Variants in CRYBG1 observed in about 807,000 individuals in gnomAD.
The protein encoded by CRYBG1 is beta/gamma crystallin domain-containing protein 1.
Under a neutral mutation model 189.2 loss-of-function variants are expected in CRYBG1, and 139 were observed. The observed-to-expected ratio is 0.73, with a 90% CI of 0.64 to 0.85. The LOEUF (loss-of-function observed/expected upper bound fraction) is 0.85, where lower values mean the gene tolerates loss of function less well. Ranked by LOEUF, CRYBG1 falls within the 40% of genes least tolerant of loss-of-function variation. The pLI, the probability that CRYBG1 is intolerant of heterozygous loss-of-function variation, is 0.00. For synonymous variants in CRYBG1, 1,023 were observed against 1,017.1 expected, an observed-to-expected ratio of 1.01 and a Z score of -0.11; for missense variants, 2,611 against 2,675.8, an observed-to-expected ratio of 0.98 and a Z score of 0.53.
intron 1 of CRYBG1, among the ~76,000 whole-genome samples, chr6:106,390,587 TC>T (rs1770481221): frequency 8.4e-6 from 1 of 118,512 alleles, no homozygotes; most frequent in African/African-American, 2.7e-5. Flanking sequence ...TCTTGTGCAC[TC>T]CCCCTACGCC....
At chr6:106,379,178 C>A (rs1338949523) in intron 1 of CRYBG1, among the ~76,000 whole-genome samples, 1 of 152,030 alleles carries the variant, frequency 6.6e-6, no homozygotes, top group Non-Finnish European at 1.5e-5. Context: ...ACAAATAGAA[C>A]AAAATGATGT....
intron 1 of CRYBG1, among the ~76,000 whole-genome samples, chr6:106,387,716 G>A (rs759899457): frequency 2.6e-5 from 4 of 152,150 alleles, no homozygotes; most frequent in African/African-American, 9.7e-5. Flanking sequence ...GTGGGGAGGG[G>A]TGTCTCTAGC....
chr6:106,491,737 C>G (rs778530494), intron 2 of CRYBG1, among the ~76,000 whole-genome samples: 1 of 152,080 alleles, frequency 6.6e-6, no homozygotes, highest in Non-Finnish European at 1.5e-5. Flanking sequence ...CCACTTGGAC[C>G]CACCAGGGGC....
intron 2 of CRYBG1, among the ~76,000 whole-genome samples, chr6:106,489,787 CAA>C (rs10593320): frequency 0.16 from 13,230 of 80,790 alleles, 844 homozygotes; most frequent in African/African-American, 0.33. Context: ...ACTCTGTGTC[CAA>C]AAAAAAAAAA....
At chr6:106,489,448 C>T (rs1257424009) in intron 2 of CRYBG1, among the ~76,000 whole-genome samples, 1 of 152,042 alleles carries the variant, frequency 6.6e-6, no homozygotes, top group Non-Finnish European at 1.5e-5. Context: ...AAATCAATTA[C>T]TATTTTTAAT....
At chr6:106,516,273 G>T (rs560358847) in intron 3 of CRYBG1, among the ~76,000 whole-genome samples, 2 of 145,450 alleles carry the variant, frequency 1.4e-5, no homozygotes, top group Non-Finnish European at 3.0e-5. Context: ...TCACTCTGTC[G>T]CCCAGGCTGG....
At chr6:106,483,010 T>C (rs553583638) in intron 2 of CRYBG1, among the ~76,000 whole-genome samples, 1 of 152,272 alleles carries the variant, frequency 6.6e-6, no homozygotes, top group Non-Finnish European at 1.5e-5. Flanking sequence ...AAAGCCTCTC[T>C]TCTAGCTATT....
At position 106,386,053 on chromosome 6, in the gene CRYBG1, G is replaced by A. The variant is rs114388074; in HGVS notation, c.173+24972G>A. Among the ~76,000 whole-genome samples the A allele has an allele frequency of 8.8e-3, 1,336 of 152,264 alleles. 16 individuals carry two copies. The highest frequency in any genetic ancestry group is 0.028 in the African/African-American group (1,163 of 41,546). On this transcript the variant is annotated intron_variant, in intron 1 of 21. Transcript: ENST00000633556. ...TTAATGCAGGGTACTTGGTCTCCAC[G>A]TGGCGAAGCAGTTTTGAAGGTTTCA... is the stretch of plus-strand genomic sequence containing the variant.
intron 2 of CRYBG1, among the ~76,000 whole-genome samples, chr6:106,484,461 G>T (rs1035606439): frequency 7.9e-3 from 6 of 764 alleles, no homozygotes; most frequent in South Asian, 0.05. Context: ...GGAGCTATAG[G>T]CATGTGCCCA....
chr6:106,385,248 T>C (rs1437603244), intron 1 of CRYBG1, among the ~76,000 whole-genome samples: 2 of 152,162 alleles, frequency 1.3e-5, no homozygotes, highest in African/African-American at 4.8e-5. Context: ...TCTGCATCCA[T>C]CTCCTCTCAG....
Position 106,530,233 on chromosome 6 carries a change from A to T in CRYBG1, c.4636A>T (p.Ser1546Cys). 6.2e-7 allele frequency: 1 copy of T among 1,613,590 alleles called. No individual in the cohort carries two copies. Among genetic ancestry groups the T allele is most frequent in the Non-Finnish European group, 8.5e-7 (1 of 1,179,626 alleles). The stretch of plus-strand genomic sequence containing the variant: ...TGAACCAGAAGGGTTAGGAATCCTA[A>T]GTTCCTACTTTGATGATACTGAAGA... ...FTEPEGLGILSSYFDDTEEMQ... is the reference protein window; with the variant it reads ...FTEPEGLGILCSYFDDTEEMQ... The change falls in exon 8 of 22, where the codon AGT becomes TGT. Residue 1546 changes from serine to cysteine, a missense_variant. Ser to Cys is a moderately radical substitution (Grantham distance 112). Coordinates refer to ENST00000633556, the MANE Select transcript of CRYBG1 (RefSeq NM_001371242.2).
chr6:106,520,223 A>G lies in CRYBG1; in HGVS notation c.3015A>G (p.Pro1005=), dbSNP rs1773561208. 6 of 1,613,992 alleles carry G rather than the reference A, an allele frequency of 3.7e-6. No homozygotes were observed. In the East Asian group the frequency reaches 1.3e-4, roughly 36 times the overall value. ...TTTCCGTTGCAAGTTGTGCTCCCCC[A>G]CAAGAGGAAGTACTGGGCAATGAAC... ...EVVSVASCAP[P]QEEVLGNEHS... is the part of the protein sequence containing the mutation. Residue 1005 remains proline, a synonymous_variant, in exon 4 of 22, where the codon CCA becomes CCG. Coordinates refer to ENST00000633556, the MANE Select transcript of CRYBG1 (RefSeq NM_001371242.2).
In CRYBG1 at chr6:106,511,402, T is replaced by G. The variant is rs527305676; in HGVS notation, c.313-28T>G. 7.1e-5 allele frequency: 107 copies of G among 1,513,028 alleles called. 3 individuals carry two copies. The Middle Eastern group carries it at 1.5e-3, about 22-fold the overall frequency. The allele number at this position is 1,513,028 out of a possible 1,614,324, so 93.7% of individuals were successfully genotyped here. On this transcript the variant is annotated intron_variant, in intron 2 of 21. Coordinates refer to ENST00000633556, the MANE Select transcript of CRYBG1 (RefSeq NM_001371242.2). ...GGGAAAAACACCAGATTCTCATATG[T>G]TCCCTCCTCATCCCTTTTATTTTTC...
intron 13 of CRYBG1, 56 bp downstream of exon 13, chr6:106,544,989 T>G: frequency 6.8e-7 from 1 of 1,473,400 alleles, no homozygotes; most frequent in Non-Finnish European, 9.2e-7. Context: ...TGGTTTGTTT[T>G]AAACTGGTAA....
At position 106,483,401 on chromosome 6, in the gene CRYBG1, T is replaced by TATATATATATATGTATATATATATA; in HGVS notation, c.313-28028_313-28027insTATATATATATGTATATATATATAA. Among the ~76,000 whole-genome samples, 830 of 95,466 alleles carry TATATATATATATGTATATATATATA rather than the reference T, an allele frequency of 8.7e-3. 33 individuals carry two copies. The highest frequency in any genetic ancestry group is 0.013 in the Non-Finnish European group (522 of 39,870). 62.6% of individuals were successfully genotyped at this position (95,466 alleles called of 152,430 possible). A position where few individuals can be genotyped will look rare whatever the true frequency, so the allele number is the denominator to read the frequency against. Reference sequence around the variant, plus strand: ...GTGTATATATATATAGATATATATATAAAACATTTTCTTTATCTACTTATT... The same window carrying TATATATATATATGTATATATATATA: ...GTGTATATATATATAGATATATATATATATATATATATGTATATATATATAAAAACATTTTCTTTATCTACTTATT... On this transcript the variant is annotated intron_variant, in intron 2 of 21. Transcript: ENST00000633556.
In CRYBG1 at chr6:106,476,835, C is replaced by A. The variant is rs1242578894; in HGVS notation, c.312+25003C>A. On this transcript the variant is annotated intron_variant, in intron 2 of 21. Coordinates refer to ENST00000633556, the MANE Select transcript of CRYBG1 (RefSeq NM_001371242.2). The stretch of plus-strand genomic sequence containing the variant: ...AAGACTATGGCAAATTGGTTTAAAG[C>A]ATAGATTTTAAAGTCATATCTGCTC... Among the ~76,000 whole-genome samples the A allele has an allele frequency of 5.3e-5, 8 of 152,154 alleles. No individual in the cohort carries two copies. In the East Asian group the frequency reaches 9.6e-4, roughly 18 times the overall value.
chr6:106,495,574 A>G (rs527796532), intron 2 of CRYBG1, among the ~76,000 whole-genome samples: 1 of 150,214 alleles, frequency 6.7e-6, no homozygotes, highest in African/African-American at 2.4e-5. Flanking sequence ...AATATATGGA[A>G]TATAGTGGGG....
At chr6:106,499,093 AT>A (rs149612077) in intron 2 of CRYBG1, among the ~76,000 whole-genome samples, 146 of 142,976 alleles carry the variant, frequency 1.0e-3, no homozygotes, top group African/African-American at 3.7e-3. Flanking sequence ...TCAAATGTAA[AT>A]TTTTTTTGCA....
intron 2 of CRYBG1, among the ~76,000 whole-genome samples, chr6:106,455,841 G>C (rs1177528808): frequency 2.0e-5 from 3 of 152,084 alleles, no homozygotes; most frequent in Non-Finnish European, 4.4e-5. Context: ...TTTTCTACTA[G>C]TGCATGTGTG....
Sources: gnomAD v4.1 joint callset for allele counts (sites outside exome capture counted in the v4.1 genomes callset) on GRCh38, gnomAD v4.1.1 for gene constraint, MANE v1.5 for transcripts, NCBI Gene and HGNC (gene_info 2026-07-23, HGNC 2026-07-21) for gene names.